Variants in BTRC observed in about 807,000 individuals in gnomAD.
BTRC encodes the protein beta-transducin repeat containing E3 ubiquitin protein ligase.
Under a neutral mutation model 85.5 loss-of-function variants are expected in BTRC, and 42 were observed. The ratio of observed to expected loss-of-function variants is 0.49; its 90% CI spans 0.38 to 0.64. The LOEUF is 0.64. Ranked by LOEUF, BTRC falls within the 30% of genes least tolerant of loss-of-function variation. The probability of loss-of-function intolerance (pLI) is 0.00; values close to 1 mark genes in which losing one functional copy is unlikely to be tolerated. For synonymous variants in BTRC, 255 were observed against 263.3 expected, an observed-to-expected ratio of 0.97 and a Z score of 0.30; for missense variants, 594 against 743.5, an observed-to-expected ratio of 0.80 and a Z score of 2.34.
Position 101,462,003 on chromosome 10 carries a change from G to GT in BTRC, c.180dup (p.Asn61Ter). The GT allele has an allele frequency of 6.2e-7, 1 of 1,611,736 alleles. No individual in the cohort carries two copies. Among genetic ancestry groups the GT allele is most frequent in the Non-Finnish European group, 8.5e-7 (1 of 1,178,268 alleles). ...CAGAATTCCTCAGAGAGAGAAGACT[G>GT]TAATAATGGCGAACCCCCTAGGAAG... On this transcript the variant is annotated frameshift_variant, in exon 3 of 15. Coordinates refer to ENST00000370187, the MANE Select transcript of BTRC (RefSeq NM_033637.4). LOFTEE classifies it high-confidence loss of function.
intron 4 of BTRC, among the ~76,000 whole-genome samples, chr10:101,510,509 T>A (rs1242928820): frequency 7.3e-6 from 1 of 137,570 alleles, no homozygotes. Context: ...GACTCCATCT[T>A]AAAAAAAAAC....
At chr10:101,444,064 T>A (rs1944761556) in intron 2 of BTRC, among the ~76,000 whole-genome samples, 3 of 152,316 alleles carry the variant, frequency 2.0e-5, no homozygotes, top group African/African-American at 7.2e-5. Context: ...GAGCTAGAGG[T>A]CTGGCTTAGT....
At chr10:101,369,223 T>A (rs985971366) in intron 1 of BTRC, among the ~76,000 whole-genome samples, 53 of 152,168 alleles carry the variant, frequency 3.5e-4, no homozygotes, top group African/African-American at 1.2e-3. Flanking sequence ...ATTATTATTT[T>A]TTTTTTTTTA....
At chr10:101,382,690 T>C (rs1434294482) in intron 1 of BTRC, among the ~76,000 whole-genome samples, 8 of 152,232 alleles carry the variant, frequency 5.3e-5, no homozygotes, top group Non-Finnish European at 1.0e-4. Flanking sequence ...TGTGTAAATA[T>C]CTTATTTCAC....
chr10:101,374,136 A>C (rs1942720467), intron 1 of BTRC, among the ~76,000 whole-genome samples: 1 of 152,146 alleles, frequency 6.6e-6, no homozygotes, highest in South Asian at 2.1e-4. Context: ...AGGAATCGCC[A>C]CACTGACTTC....
chr10:101,361,391 C>T (rs569922503), intron 1 of BTRC, among the ~76,000 whole-genome samples: 2 of 152,312 alleles, frequency 1.3e-5, no homozygotes, highest in South Asian at 2.1e-4. Flanking sequence ...CAGGCATGTG[C>T]CACCGCACCT....
chr10:101,437,755 T>G (rs1041882339), intron 2 of BTRC, among the ~76,000 whole-genome samples: 11 of 152,170 alleles, frequency 7.2e-5, no homozygotes, highest in Admixed American at 2.6e-4. Context: ...CTCATGTAAT[T>G]GTTAGTCATT....
chr10:101,447,047 C>T (rs112244338), intron 2 of BTRC, among the ~76,000 whole-genome samples: 29 of 152,106 alleles, frequency 1.9e-4, no homozygotes, highest in African/African-American at 6.3e-4. Context: ...CTAGTGTTCG[C>T]GTGCAGGTTG....
intron 6 of BTRC, 143 bp from the exon 7 acceptor site, chr10:101,531,094 C>G: frequency 1.7e-6 from 1 of 580,232 alleles, no homozygotes; most frequent in Non-Finnish European, 3.0e-6. Flanking sequence ...TCACTTGAAC[C>G]CAGGAAGCGG....
chr10:101,379,885 G>A (rs1942885731), intron 1 of BTRC, among the ~76,000 whole-genome samples: 1 of 152,148 alleles, frequency 6.6e-6, no homozygotes, highest in Non-Finnish European at 1.5e-5. Context: ...TATGTAATAA[G>A]CTATAAAAAT....
chr10:101,533,703 TA>T (rs148691756), intron 9 of BTRC, among the ~76,000 whole-genome samples: 18 of 149,520 alleles, frequency 1.2e-4, no homozygotes, highest in Non-Finnish European at 1.8e-4. Flanking sequence ...AAAGTAACTT[TA>T]AAAAAAAAAT....
chr10:101,448,201 A>C (rs930182296), intron 2 of BTRC, among the ~76,000 whole-genome samples: 6 of 152,168 alleles, frequency 3.9e-5, no homozygotes, highest in African/African-American at 1.4e-4. Flanking sequence ...TAATTTTGGT[A>C]TTCTTTAAGT....
chr10:101,432,886 AT>A (rs530206418), intron 2 of BTRC, among the ~76,000 whole-genome samples: 55 of 152,174 alleles, frequency 3.6e-4, no homozygotes, highest in Non-Finnish European at 6.8e-4. Context: ...CAACCATGAA[AT>A]TGACCTGAGC....
At chr10:101,405,901 T>A (rs1943607295) in intron 1 of BTRC, among the ~76,000 whole-genome samples, 1 of 152,182 alleles carries the variant, frequency 6.6e-6, no homozygotes, top group African/African-American at 2.4e-5. Context: ...TTGAAAAGAA[T>A]GTGTGTGTAT....
At chr10:101,483,117 A>T (rs1382914042) in intron 4 of BTRC, among the ~76,000 whole-genome samples, 1 of 152,190 alleles carries the variant, frequency 6.6e-6, no homozygotes, top group East Asian at 1.9e-4. Flanking sequence ...TTGGACCCCT[A>T]TAATACCTTG....
rs138007808 is a variant in BTRC at position 101,555,383 on chromosome 10, T to C, written c.*2260T>C. 5 of 152,796 alleles carry C rather than the reference T, an allele frequency of 3.3e-5. No individual in the cohort carries two copies. In the East Asian group the frequency reaches 7.7e-4, roughly 24 times the overall value. The allele number at this position is 152,796 out of a possible 1,614,324, so 9.5% of individuals were successfully genotyped here. On this transcript the variant is annotated 3_prime_UTR_variant, in exon 15 of 15. Coordinates refer to ENST00000370187, the MANE Select transcript of BTRC (RefSeq NM_033637.4). Reference sequence around the variant, plus strand: ...AAGGAATATTGTTTCTAAGACTGTTTTGAGACATGTCCAGTACATCACAAA... The same window carrying C: ...AAGGAATATTGTTTCTAAGACTGTTCTGAGACATGTCCAGTACATCACAAA...
chr10:101,521,580 T>C lies in BTRC; in HGVS notation c.325-59T>C, dbSNP rs111851768. 1.5e-5 allele frequency: 19 copies of C among 1,228,668 alleles called. No homozygotes were observed. The African/African-American group carries it at 1.8e-4, about 12-fold the overall frequency. 76.1% of individuals were successfully genotyped at this position (1,228,668 alleles called of 1,614,324 possible). ...TAGCATGCCATACCAGAAAATCATA[T>C]ATATTTCCCTCATTTTCAATACTAA... is the stretch of plus-strand genomic sequence containing the variant. On this transcript the variant is annotated intron_variant, in intron 4 of 14. Transcript: ENST00000370187.
Position 101,438,524 on chromosome 10 carries a change from C to G in BTRC, c.156+8072C>G, listed in dbSNP as rs181332143. Among the ~76,000 whole-genome samples the G allele has an allele frequency of 2.8e-3, 412 of 147,008 alleles. 1 individual carries two copies. The Middle Eastern group carries it at 0.04, about 14-fold the overall frequency. On this transcript the variant is annotated intron_variant, in intron 2 of 14. Transcript: ENST00000370187. The stretch of plus-strand genomic sequence containing the variant: ...CACACATACACATACATATATACTA[C>G]ATTGTGTCAAATTAGTAAGTACAAA...
At chr10:101,455,800 C>G (rs1258141816) in intron 2 of BTRC, among the ~76,000 whole-genome samples, 1 of 151,998 alleles carries the variant, frequency 6.6e-6, no homozygotes, top group Non-Finnish European at 1.5e-5. Context: ...CTGTTATTGC[C>G]AAAAAGCTAT....
Sources: gnomAD v4.1 joint callset for allele counts (sites outside exome capture counted in the v4.1 genomes callset) on GRCh38, gnomAD v4.1.1 for gene constraint, MANE v1.5 for transcripts, NCBI Gene and HGNC (gene_info 2026-07-23, HGNC 2026-07-21) for gene names.